The following CPNE5 variants were observed in gnomAD, a reference collection of about 807,000 sequenced individuals.
CPNE5 encodes copine 5.
A neutral mutation model predicts 81.1 loss-of-function variants in CPNE5; 42 were observed. That is an observed-to-expected ratio of 0.52 (90% CI 0.40 to 0.67). The LOEUF (loss-of-function observed/expected upper bound fraction) is 0.67, where lower values mean the gene tolerates loss of function less well. Ranked by LOEUF, CPNE5 falls within the 30% of genes least tolerant of loss-of-function variation. CPNE5 has a pLI of 0.00. For synonymous variants in CPNE5, 313 were observed against 321.5 expected (o/e 0.97, Z 0.28); for missense variants, 612 against 815.5 (o/e 0.75, Z 3.04).
intron 10 of CPNE5, among the ~76,000 whole-genome samples, chr6:36,773,302 A>T (rs907039776): frequency 6.6e-6 from 1 of 152,170 alleles, no homozygotes; most frequent in Non-Finnish European, 1.5e-5. Context: ...TGCAGCAATC[A>T]CCAGGAGACA....
intron 13 of CPNE5, among the ~76,000 whole-genome samples, chr6:36,753,711 C>A (rs557206982): frequency 6.6e-6 from 1 of 152,364 alleles, no homozygotes; most frequent in East Asian, 1.9e-4. Context: ...AGGCCCCCTC[C>A]CCCAAGCAGA....
intron 3 of CPNE5, among the ~76,000 whole-genome samples, chr6:36,801,840 T>C (rs1770128992): frequency 6.6e-6 from 1 of 152,156 alleles, no homozygotes; most frequent in Non-Finnish European, 1.5e-5. Flanking sequence ...GTATAGGGTT[T>C]CAGTTTTGCA....
rs1763625379 is a variant in CPNE5, at chr6:36,742,168, C to T, written c.*100G>A. ...GGCAGCCTCCCAGGCACACAGATGT[C>T]CCAAAGGCCGGGCAGGCCAACTTCG... On this transcript the variant is annotated 3_prime_UTR_variant, in exon 21 of 21. Coordinates refer to ENST00000244751, the MANE Select transcript of CPNE5 (RefSeq NM_020939.2). 3 of 900,686 alleles carry T rather than the reference C, an allele frequency of 3.3e-6. No individual in the cohort carries two copies. Among genetic ancestry groups the T allele is most frequent in the Non-Finnish European group, 5.0e-6 (3 of 604,044 alleles). The allele number at this position is 900,686 out of a possible 1,614,324, so 55.8% of individuals were successfully genotyped here. A position where few individuals can be genotyped will look rare whatever the true frequency, so the allele number is the denominator to read the frequency against.
At chr6:36,767,151 C>T (rs1582805210) in intron 10 of CPNE5, among the ~76,000 whole-genome samples, 1 of 152,194 alleles carries the variant, frequency 6.6e-6, no homozygotes, top group Non-Finnish European at 1.5e-5. Context: ...CCACGGCGCC[C>T]GGCCTCTGAT....
chr6:36,826,979 G>A (rs771508113), intron 1 of CPNE5, among the ~76,000 whole-genome samples: 5 of 152,166 alleles, frequency 3.3e-5, no homozygotes, highest in Non-Finnish European at 5.9e-5. Flanking sequence ...TTGTCAGACA[G>A]GTCAGCTGTC....
intron 1 of CPNE5, chr6:36,827,343 G>T: frequency 1.0e-6 from 1 of 985,368 alleles, no homozygotes; most frequent in Non-Finnish European, 1.2e-6. Flanking sequence ...CTTTGGACGG[G>T]TGGCTTCACC....
intron 9 of CPNE5, 125 bp downstream of exon 9, chr6:36,778,729 G>A: frequency 1.4e-6 from 1 of 696,376 alleles, no homozygotes; most frequent in East Asian, 2.5e-5. Context: ...CAGAGCCCTT[G>A]CCCTCTCTAG....
chr6:36,823,020 G>A (rs764158584), intron 2 of CPNE5, 38 bp downstream of exon 2: 21 of 1,520,500 alleles, frequency 1.4e-5, no homozygotes, highest in East Asian at 2.4e-5. Flanking sequence ...TAGCGTTGCC[G>A]CTATTGTTAC....
chr6:36,839,596 G>A (rs905699516), upstream of CPNE5: 2 of 445,254 alleles, frequency 4.5e-6, no homozygotes, highest in Non-Finnish European at 8.0e-6. The surrounding 1 kb of genome is among the most constrained non-coding windows in gnomAD (Gnocchi z 7.3). Flanking sequence ...GTGACGCCGC[G>A]AGGAGGCTAG....
chr6:36,837,808 G>A (rs1190273977), intron 1 of CPNE5, among the ~76,000 whole-genome samples: 1 of 152,104 alleles, frequency 6.6e-6, no homozygotes. Flanking sequence ...AAGATGACAG[G>A]CATGATTGAA....
At chr6:36,776,372 G>A (rs955531940) in intron 9 of CPNE5, among the ~76,000 whole-genome samples, 2 of 152,174 alleles carry the variant, frequency 1.3e-5, no homozygotes, top group Admixed American at 6.5e-5. Flanking sequence ...GCTCCTTCTC[G>A]CCCACCCACT....
chr6:36,744,685 G>T (rs2150355463), intron 18 of CPNE5, among the ~76,000 whole-genome samples: 1 of 152,318 alleles, frequency 6.6e-6, no homozygotes, highest in East Asian at 1.9e-4. Flanking sequence ...ACCTGGCCAG[G>T]CTGGCCTGGG....
chr6:36,792,302 C>G, intron 7 of CPNE5: 1 of 1,509,630 alleles, frequency 6.6e-7, no homozygotes, highest in Non-Finnish European at 8.9e-7. Context: ...GTCCCCGAGC[C>G]TGGAGCTGCC....
Position 36,831,141 on chromosome 6 carries a change from G to A in CPNE5, c.96-8043C>T, listed in dbSNP as rs539061159. ...GCAATCTCAGCTCACTGCAACCTCC[G>A]CCTCCTGGGTTCAAGCTATTCTCCT... On this transcript the variant is annotated intron_variant, in intron 1 of 20. Coordinates refer to ENST00000244751, the MANE Select transcript of CPNE5 (RefSeq NM_020939.2). Among the ~76,000 whole-genome samples, 279 of 151,980 alleles carry A rather than the reference G, an allele frequency of 1.8e-3. 1 individual carries two copies. Among genetic ancestry groups the A allele is most frequent in the Non-Finnish European group, 3.2e-3 (215 of 67,948 alleles).
intron 3 of CPNE5, among the ~76,000 whole-genome samples, chr6:36,809,211 G>A (rs1160233991): frequency 6.6e-6 from 1 of 151,656 alleles, no homozygotes; most frequent in African/African-American, 2.4e-5. Context: ...GAGAGAGAGA[G>A]GAGAGAGAGA....
At position 36,839,315 on chromosome 6, in the gene CPNE5, C is replaced by T. The variant is rs1176667439; in HGVS notation, c.63G>A (p.Pro21=). 6.5e-7 allele frequency: 1 copy of T among 1,550,232 alleles called. No homozygotes were observed. Among genetic ancestry groups the T allele is most frequent in the East Asian group, 2.5e-5 (1 of 40,616 alleles). ...SEFDSLAGSI[P]ATKVEITVSC... is the part of the protein sequence containing the mutation. The stretch of plus-strand genomic sequence containing the variant: ...ACACGGTGATCTCCACCTTGGTGGC[C>T]GGGATGCTGCCCGCCAAGGAGTCGA... The change falls in exon 1 of 21, where the codon CCG becomes CCA. Residue 21 remains proline (P), a synonymous_variant. Transcript: ENST00000244751. The surrounding 1 kb of genome is among the most constrained non-coding windows in gnomAD (Gnocchi z 7.3).
intron 14 of CPNE5, among the ~76,000 whole-genome samples, chr6:36,750,407 A>T (rs113732953): frequency 0.082 from 12,455 of 152,196 alleles, 631 homozygotes; most frequent in Non-Finnish European, 0.11. Context: ...TCTGCTGGCC[A>T]CAGACAGTCA....
intron 20 of CPNE5, chr6:36,743,249 G>A (rs771831665): frequency 4.7e-5 from 46 of 985,160 alleles, no homozygotes; most frequent in Non-Finnish European, 5.5e-5. Context: ...TGAGGACAAA[G>A]GTCTTTCTGC....
chr6:36,747,372 T>C (rs979993348), intron 15 of CPNE5, among the ~76,000 whole-genome samples: 10 of 152,212 alleles, frequency 6.6e-5, no homozygotes, highest in African/African-American at 2.4e-4. Flanking sequence ...CTGCTAGTTA[T>C]GTGATCTTGG....
Sources: allele counts gnomAD v4.1 joint callset (sites outside exome capture counted in the v4.1 genomes callset), GRCh38; gene constraint gnomAD v4.1.1; non-coding constraint Gnocchi (gnomAD v3.1); transcripts MANE v1.5; gene names NCBI Gene and HGNC (gene_info 2026-07-23, HGNC 2026-07-21).